The following CSMD1 variants were observed in gnomAD, a reference collection of about 807,000 sequenced individuals.
The protein encoded by CSMD1 is CUB and Sushi multiple domains 1.
A neutral mutation model predicts 417.5 loss-of-function variants in CSMD1; 213 were observed. The observed-to-expected ratio is 0.51, with a 90% CI of 0.46 to 0.57. The LOEUF is 0.57. CSMD1 is among the 20% of genes least tolerant of loss of function. The pLI is 0.00. For synonymous variants in CSMD1, 2,862 were observed against 1,736.8 expected (o/e 1.65, Z -16.11); for missense variants, 6,923 against 4,529.7 (o/e 1.53, Z -15.17).
At chr8:3,158,007 A>C (rs1233017231) in intron 38 of CSMD1, 41 bp from the exon 39 acceptor site, 3 of 1,435,708 alleles carry the variant, frequency 2.1e-6, no homozygotes, top group East Asian at 2.5e-5. Context: ...ATAACTAAAA[A>C]CAGAGTATTT....
chr8:3,831,908 G>T (rs990705975), intron 5 of CSMD1, among the ~76,000 whole-genome samples: 3 of 152,056 alleles, frequency 2.0e-5, no homozygotes, highest in African/African-American at 7.2e-5. Context: ...GAAATATCAA[G>T]ACTTTTAAAA....
intron 4 of CSMD1, among the ~76,000 whole-genome samples, chr8:4,022,350 G>C (rs941457159): frequency 6.6e-6 from 1 of 151,966 alleles, no homozygotes; most frequent in Admixed American, 6.6e-5. Context: ...GAAGTGAATA[G>C]CATACTTAAA....
intron 15 of CSMD1, among the ~76,000 whole-genome samples, chr8:3,401,686 G>T (rs1812047670): frequency 6.6e-6 from 1 of 152,242 alleles, no homozygotes; most frequent in East Asian, 1.9e-4. Flanking sequence ...CCCTTCTTCA[G>T]TTGCTATGGC....
At chr8:4,451,020 GGA>G (rs199786479) in intron 2 of CSMD1, among the ~76,000 whole-genome samples, 2 of 100,872 alleles carry the variant, frequency 2.0e-5, no homozygotes, top group Non-Finnish European at 4.1e-5. Context: ...ACCAACGTGG[GGA>G]AAAAAAAAAT....
chr8:3,476,726 T>G (rs1463567308), intron 11 of CSMD1, among the ~76,000 whole-genome samples: 1 of 151,986 alleles, frequency 6.6e-6, no homozygotes, highest in South Asian at 2.1e-4. Context: ...GAGACCAGCC[T>G]GGCCAACATG....
chr8:3,637,934 C>T (rs879269191), intron 7 of CSMD1, among the ~76,000 whole-genome samples: 1 of 152,224 alleles, frequency 6.6e-6, no homozygotes, highest in Non-Finnish European at 1.5e-5. Context: ...CCATGTAAGA[C>T]ATGACTTTGG....
At chr8:3,458,378 A>G (rs1394608953) in intron 12 of CSMD1, among the ~76,000 whole-genome samples, 1 of 152,206 alleles carries the variant, frequency 6.6e-6, no homozygotes, top group Non-Finnish European at 1.5e-5. Context: ...CATTCATGCA[A>G]TATAACTCAG....
At chr8:3,220,271 T>C (rs77485557) in intron 28 of CSMD1, among the ~76,000 whole-genome samples, 1 of 145,564 alleles carries the variant, frequency 6.9e-6, no homozygotes, top group African/African-American at 2.5e-5. Flanking sequence ...CCAGTTTTTT[T>C]TCTCTGTCCC....
rs757892398 is a variant in CSMD1 at position 3,000,120 on chromosome 8, C to G, written c.8041G>C (p.Gly2681Arg). The G allele has an allele frequency of 5.8e-6, 9 of 1,539,142 alleles. No individual in the cohort carries two copies. Among genetic ancestry groups the G allele is most frequent in the Non-Finnish European group, 7.9e-6 (9 of 1,140,008 alleles). ...CCGTTCACAATCGGGTCTGGGGAAC[C>G]GCAGTGGCCAGCTAAAAATGTTAAA... is the stretch of plus-strand genomic sequence containing the variant. ...SETRCLAGHCGSPDPIVNGHI... is the reference protein window; with the variant it reads ...SETRCLAGHCRSPDPIVNGHI... Residue 2681 changes from glycine (G) to arginine (R), a missense_variant, in exon 53 of 70, where the codon GGT becomes CGT. By Grantham distance (125) the Gly-to-Arg change is moderately radical. Coordinates refer to ENST00000635120, the MANE Select transcript of CSMD1 (RefSeq NM_033225.6).
rs186739481 is a variant in CSMD1, at chr8:4,809,922, A to T, written c.86-172364T>A. Among the ~76,000 whole-genome samples the T allele has an allele frequency of 2.4e-3, 364 of 152,350 alleles. 3 individuals carry two copies. Among genetic ancestry groups the T allele is most frequent in the African/African-American group, 8.5e-3 (354 of 41,588 alleles). On this transcript the variant is annotated intron_variant, in intron 1 of 69. Transcript: ENST00000635120. ...ATCCAAGTCCGGCCACTTACCAAGT[A>T]TATTAACCTAAATCAGTTTCTTCAC...
chr8:4,042,618 G>A (rs964672371), intron 3 of CSMD1, among the ~76,000 whole-genome samples: 37 of 151,528 alleles, frequency 2.4e-4, no homozygotes, highest in Non-Finnish European at 7.4e-5. Context: ...CCCGTATGGG[G>A]AATTATAAAA....
intron 5 of CSMD1, among the ~76,000 whole-genome samples, chr8:3,996,669 G>A (rs1407411211): frequency 2.0e-5 from 3 of 152,086 alleles, no homozygotes; most frequent in East Asian, 1.9e-4. Flanking sequence ...GATTGGTCCT[G>A]GCTAATCTAA....
chr8:3,565,374 T>G (rs538488263), intron 10 of CSMD1, among the ~76,000 whole-genome samples: 1 of 152,048 alleles, frequency 6.6e-6, no homozygotes, highest in Non-Finnish European at 1.5e-5. Context: ...AAAGGTCTGA[T>G]TGAATAATGG....
intron 23 of CSMD1, among the ~76,000 whole-genome samples, chr8:3,322,997 C>A (rs191712305): frequency 1.8e-3 from 275 of 152,292 alleles, no homozygotes; most frequent in Non-Finnish European, 3.2e-3. Flanking sequence ...TCATCAGAAC[C>A]TAAACCTCAC....
At chr8:4,396,524 G>A (rs1044764204) in intron 3 of CSMD1, among the ~76,000 whole-genome samples, 1 of 152,034 alleles carries the variant, frequency 6.6e-6, no homozygotes, top group Non-Finnish European at 1.5e-5. Flanking sequence ...ATACGAAGAA[G>A]ATACTTGCAC....
intron 40 of CSMD1, among the ~76,000 whole-genome samples, chr8:3,143,812 C>T (rs1012048914): frequency 2.0e-5 from 3 of 152,162 alleles, no homozygotes; most frequent in Non-Finnish European, 4.4e-5. Flanking sequence ...ATAACACCTA[C>T]TTGGGTTTTC....
In CSMD1 at chr8:2,965,308, G is replaced by C. The variant is rs370245527; in HGVS notation, c.9280+467C>G. On this transcript the variant is annotated intron_variant, in intron 59 of 69. Coordinates refer to ENST00000635120, the MANE Select transcript of CSMD1 (RefSeq NM_033225.6). ...CTCGGCCAGTGTCATCTTCAGTCTC[G>C]GCAACCAAACCCCATGAAACATCAC... Among the ~76,000 whole-genome samples the C allele has an allele frequency of 2.4e-4, 36 of 152,146 alleles. 1 individual carries two copies. The South Asian group carries it at 7.5e-3, about 32-fold the overall frequency.
At chr8:3,026,533 G>A (rs562941131) in intron 51 of CSMD1, among the ~76,000 whole-genome samples, 1 of 151,374 alleles carries the variant, frequency 6.6e-6, no homozygotes, top group East Asian at 2.0e-4. Context: ...AGCCTCACGG[G>A]GCCTGACTGG....
chr8:4,048,100 G>A (rs1798242212), intron 3 of CSMD1, among the ~76,000 whole-genome samples: 2 of 152,040 alleles, frequency 1.3e-5, no homozygotes, highest in African/African-American at 2.4e-5. Context: ...GTATCTCAGG[G>A]TAGACCCCGA....
Sources: gnomAD v4.1 joint callset for allele counts (sites outside exome capture counted in the v4.1 genomes callset) on GRCh38, gnomAD v4.1.1 for gene constraint, MANE v1.5 for transcripts, NCBI Gene and HGNC (gene_info 2026-07-23, HGNC 2026-07-21) for gene names.